Variants in LRRC4C observed in about 807,000 individuals in gnomAD.
LRRC4C encodes leucine rich repeat containing 4C.
Under a neutral mutation model 33.6 loss-of-function variants are expected in LRRC4C, and 5 were observed. The ratio of observed to expected loss-of-function variants is 0.15; its 90% CI spans 0.08 to 0.31. The LOEUF (loss-of-function observed/expected upper bound fraction) is 0.31, where lower values mean the gene tolerates loss of function less well. Among genes scored for constraint, LRRC4C ranks in the 10% least tolerant of loss-of-function variants. LRRC4C has a pLI of 1.00. For synonymous variants in LRRC4C, 329 were observed against 302.0 expected (o/e 1.09, Z -0.93); for missense variants, 560 against 796.7 (o/e 0.70, Z 3.58).
chr11:40,774,868 C>A (rs1949916538), intron 2 of LRRC4C, among the ~76,000 whole-genome samples: 1 of 152,034 alleles, frequency 6.6e-6, no homozygotes, highest in African/African-American at 2.4e-5. Flanking sequence ...TCTTCTACTT[C>A]TCAACTGCTG....
intron 1 of LRRC4C, among the ~76,000 whole-genome samples, chr11:41,178,701 CTGTT>C (rs896151510): frequency 2.0e-5 from 3 of 152,076 alleles, no homozygotes; most frequent in Admixed American, 6.5e-5. Context: ...ACCCAGGAAT[CTGTT>C]TGTTTGTTTG....
chr11:40,192,052 C>T (rs1004439235), intron 5 of LRRC4C, among the ~76,000 whole-genome samples: 3 of 152,036 alleles, frequency 2.0e-5, no homozygotes, highest in African/African-American at 7.2e-5. Context: ...TATATAGGCA[C>T]TTGATGTCTA....
intron 4 of LRRC4C, among the ~76,000 whole-genome samples, chr11:40,242,897 T>C (rs1866029889): frequency 6.6e-6 from 1 of 152,140 alleles, no homozygotes; most frequent in Admixed American, 6.6e-5. Flanking sequence ...GTTTTCGGCA[T>C]GCTCTTAACT....
chr11:41,079,530 C>A (rs191014141), intron 1 of LRRC4C, among the ~76,000 whole-genome samples: 22 of 151,898 alleles, frequency 1.4e-4, no homozygotes, highest in African/African-American at 5.3e-4. Context: ...CCCCCAAGAG[C>A]AAAAAGATGT....
intron 1 of LRRC4C, among the ~76,000 whole-genome samples, chr11:41,311,022 C>T (rs577334308): frequency 6.6e-6 from 1 of 152,266 alleles, no homozygotes; most frequent in African/African-American, 2.4e-5. Flanking sequence ...TCGCTTAGTG[C>T]CTAGGCATTT....
intron 4 of LRRC4C, among the ~76,000 whole-genome samples, chr11:40,285,730 G>A (rs1943790707): frequency 6.6e-6 from 1 of 152,076 alleles, no homozygotes; most frequent in African/African-American, 2.4e-5. Context: ...TAGGGGAAAG[G>A]GAAACTGCAG....
chr11:41,438,712 TC>T (rs1955520009), intron 1 of LRRC4C, among the ~76,000 whole-genome samples: 1 of 152,160 alleles, frequency 6.6e-6, no homozygotes, highest in Non-Finnish European at 1.5e-5. Flanking sequence ...GCTTTTCCAA[TC>T]TTATCACCAA....
intron 1 of LRRC4C, among the ~76,000 whole-genome samples, chr11:41,282,374 G>GT (rs1361753203): frequency 1.3e-5 from 2 of 152,184 alleles, no homozygotes; most frequent in Non-Finnish European, 2.9e-5. Flanking sequence ...ATCAGAAGCA[G>GT]TAGAAGTAAA....
intron 3 of LRRC4C, among the ~76,000 whole-genome samples, chr11:40,540,241 A>T (rs1956650086): frequency 6.6e-6 from 1 of 152,198 alleles, no homozygotes; most frequent in African/African-American, 2.4e-5. Flanking sequence ...TGAACTGAAT[A>T]GGTGTCAACT....
At chr11:40,446,560 G>C (rs1951644847) in intron 3 of LRRC4C, 1 of 152,120 alleles carries the variant, frequency 6.6e-6, no homozygotes, top group South Asian at 2.1e-4. Flanking sequence ...GTGGATACCT[G>C]GGAGACTTGG....
chr11:41,315,892 T>C, intron 1 of LRRC4C, among the ~76,000 whole-genome samples: 1 of 152,192 alleles, frequency 6.6e-6, no homozygotes, highest in East Asian at 1.9e-4. Flanking sequence ...AGGAGCTGGA[T>C]CTTCACTATA....
Position 40,751,368 on chromosome 11 carries a change from A to G in LRRC4C, c.-406-103090T>C, listed in dbSNP as rs115954683. 7.1e-3 allele frequency among the ~76,000 whole-genome samples: 1,080 copies of G among 152,264 alleles called. 21 individuals carry two copies. Among genetic ancestry groups the G allele is most frequent in the African/African-American group, 0.025 (1,046 of 41,562 alleles). ...CTATAATCTTATATTTAGAAAAACC[A>G]AAAGACTCCACCAAAAAACTCTTAT... On this transcript the variant is annotated intron_variant, in intron 2 of 6. Coordinates refer to ENST00000528697, the MANE Select transcript of LRRC4C (RefSeq NM_001258419.2).
At chr11:40,473,458 A>C (rs559560992) in intron 3 of LRRC4C, among the ~76,000 whole-genome samples, 1 of 152,296 alleles carries the variant, frequency 6.6e-6, no homozygotes, top group Non-Finnish European at 1.5e-5. Flanking sequence ...ATCTTAAAAT[A>C]ATAAGAGCTA....
At chr11:41,382,209 C>A (rs1442540695) in intron 1 of LRRC4C, among the ~76,000 whole-genome samples, 1 of 151,830 alleles carries the variant, frequency 6.6e-6, no homozygotes, top group Non-Finnish European at 1.5e-5. Flanking sequence ...ATCTTAAAAG[C>A]TTTCAGAGAT....
chr11:40,120,558 A>G (rs1855752349), intron 6 of LRRC4C, among the ~76,000 whole-genome samples: 1 of 152,076 alleles, frequency 6.6e-6, no homozygotes, highest in South Asian at 2.1e-4. Flanking sequence ...GCATAAAATA[A>G]CATAGCATGC....
intron 5 of LRRC4C, among the ~76,000 whole-genome samples, chr11:40,209,948 G>A (rs184691277): frequency 2.3e-3 from 356 of 151,872 alleles, no homozygotes; most frequent in African/African-American, 8.3e-3. Flanking sequence ...AGGAAGGAAG[G>A]GCATGCTAGT....
At chr11:40,143,315 T>C (rs1449444972) in intron 5 of LRRC4C, among the ~76,000 whole-genome samples, 2 of 152,208 alleles carry the variant, frequency 1.3e-5, no homozygotes, top group African/African-American at 2.4e-5. Context: ...TCATGTTCCT[T>C]CTCAATGCTC....
intron 1 of LRRC4C, among the ~76,000 whole-genome samples, chr11:41,241,301 T>G (rs949190438): frequency 2.6e-5 from 4 of 152,098 alleles, no homozygotes; most frequent in African/African-American, 9.7e-5. Flanking sequence ...CCAAGACATG[T>G]TCCCTAGAAT....
intron 1 of LRRC4C, among the ~76,000 whole-genome samples, chr11:41,237,585 C>T (rs1364444944): frequency 6.6e-6 from 1 of 152,062 alleles, no homozygotes; most frequent in African/African-American, 2.4e-5. Flanking sequence ...AACTAGTTAC[C>T]GTAGCAACTG....
Sources: allele counts gnomAD v4.1 joint callset (sites outside exome capture counted in the v4.1 genomes callset), GRCh38; gene constraint gnomAD v4.1.1; transcripts MANE v1.5; gene names NCBI Gene and HGNC (gene_info 2026-07-23, HGNC 2026-07-21).